The following PBRM1 variants were observed in gnomAD, a reference collection of about 807,000 sequenced individuals.
PBRM1 encodes protein polybromo-1.
Under a neutral mutation model 194.5 loss-of-function variants are expected in PBRM1, and 27 were observed. The observed-to-expected ratio is 0.14, with a 90% CI of 0.10 to 0.19. The LOEUF (loss-of-function observed/expected upper bound fraction) is 0.19. PBRM1 is among the 10% of genes least tolerant of loss of function. The probability of loss-of-function intolerance (pLI) is 1.00; values close to 1 mark genes in which losing one functional copy is unlikely to be tolerated. For synonymous variants in PBRM1, 655 were observed against 693.2 expected (o/e 0.94, Z 0.87); for missense variants, 1,466 against 2,077.2 (o/e 0.71, Z 5.72).
intron 11 of PBRM1, among the ~76,000 whole-genome samples, chr3:52,631,041 T>C (rs2095601864): frequency 6.6e-6 from 1 of 152,330 alleles, no homozygotes; most frequent in African/African-American, 2.4e-5. Context: ...ATAAAAGACA[T>C]ATTTCTAGGC....
At chr3:52,621,403 T>C (rs2095269382) in intron 13 of PBRM1, among the ~76,000 whole-genome samples, 2 of 152,178 alleles carry the variant, frequency 1.3e-5, no homozygotes, top group South Asian at 4.1e-4. Context: ...GACCTCATGA[T>C]CTGCCCGCCT....
intron 22 of PBRM1, among the ~76,000 whole-genome samples, chr3:52,564,870 T>A (rs2084650979): frequency 6.6e-6 from 1 of 152,144 alleles, no homozygotes; most frequent in South Asian, 2.1e-4. Context: ...CTTCTGCACA[T>A]GAATGCAGTT....
chr3:52,682,609 T>C (rs1311533811), upstream of PBRM1, among the ~76,000 whole-genome samples: 1 of 152,176 alleles, frequency 6.6e-6, no homozygotes, highest in African/African-American at 2.4e-5. Context: ...TTTTAAAATG[T>C]ATTTTGAAAG....
At chr3:52,658,235 G>T (rs766772588) in exon 5 of PBRM1, 1 of 1,610,806 alleles carries the variant, frequency 6.2e-7, no homozygotes, top group Admixed American at 1.7e-5. Flanking sequence ...GTTCGCTAAT[G>T]AGACGTCCTG....
chr3:52,659,830 C>T (rs1330079602), intron 4 of PBRM1, among the ~76,000 whole-genome samples: 1 of 152,158 alleles, frequency 6.6e-6, no homozygotes, highest in Non-Finnish European at 1.5e-5. Context: ...GTGGCTCATG[C>T]CTGTAATCCC....
At chr3:52,673,211 C>T (rs2096991777) in intron 2 of PBRM1, among the ~76,000 whole-genome samples, 1 of 150,868 alleles carries the variant, frequency 6.6e-6, no homozygotes, top group African/African-American at 2.4e-5. Flanking sequence ...TGGTCTCGAA[C>T]TCCTGACCTC....
intron 1 of PBRM1, 106 bp downstream of exon 1, chr3:52,685,643 G>A (rs2097301689): frequency 6.8e-6 from 1 of 146,588 alleles, no homozygotes; most frequent in Non-Finnish European, 1.5e-5. Context: ...GCGTCCCCAC[G>A]GCCGGGGCGG....
At chr3:52,620,364 G>C (rs2095217521) in intron 13 of PBRM1, among the ~76,000 whole-genome samples, 1 of 152,182 alleles carries the variant, frequency 6.6e-6, no homozygotes, top group African/African-American at 2.4e-5. Context: ...TAAGCTTACA[G>C]GATCTCTCCA....
intron 13 of PBRM1, among the ~76,000 whole-genome samples, chr3:52,624,076 T>C (rs1333026200): frequency 6.6e-6 from 1 of 152,214 alleles, no homozygotes; most frequent in Non-Finnish European, 1.5e-5. Context: ...GAAAGTATGG[T>C]AGGAAAATAA....
intron 4 of PBRM1, among the ~76,000 whole-genome samples, chr3:52,658,982 T>A (rs1319638566): frequency 6.6e-6 from 1 of 152,184 alleles, no homozygotes; most frequent in Non-Finnish European, 1.5e-5. Context: ...GCTGTTCACA[T>A]CTATTGAAGT....
chr3:52,605,462 A>C (rs1014064542), intron 16 of PBRM1, among the ~76,000 whole-genome samples: 1 of 152,174 alleles, frequency 6.6e-6, no homozygotes, highest in East Asian at 1.9e-4. Context: ...AGTGTGGCCA[A>C]GTAGGCCACC....
chr3:52,641,093 G>A (rs2096061535), intron 10 of PBRM1, among the ~76,000 whole-genome samples: 1 of 152,068 alleles, frequency 6.6e-6, no homozygotes, highest in Non-Finnish European at 1.5e-5. Context: ...AGCCTATAGT[G>A]ATTATGAAAT....
At chr3:52,608,141 G>A (rs1178361736) in intron 16 of PBRM1, among the ~76,000 whole-genome samples, 1 of 152,118 alleles carries the variant, frequency 6.6e-6, no homozygotes, top group Non-Finnish European at 1.5e-5. Context: ...CGTAAGTCCT[G>A]GCCCATCCAT....
chr3:52,622,140 G>GTTGCC (rs2095302303), intron 13 of PBRM1, among the ~76,000 whole-genome samples: 3 of 152,136 alleles, frequency 2.0e-5, no homozygotes, highest in Non-Finnish European at 4.4e-5. Flanking sequence ...AGGAGTTCGA[G>GTTGCC]ACCAGCCTGG....
At chr3:52,685,680 C>G (rs1578545420) in intron 1 of PBRM1, 69 bp downstream of exon 1, 1 of 149,124 alleles carries the variant, frequency 6.7e-6, no homozygotes, top group Non-Finnish European at 1.5e-5. Flanking sequence ...CCCGCCCGCC[C>G]GGGCCCACAC....
Position 52,563,550 on chromosome 3 carries a change from G to A in PBRM1, c.3876-57C>T, listed in dbSNP as rs149717878. 4,834 of 1,224,642 alleles carry A rather than the reference G, an allele frequency of 3.9e-3. 21 individuals are homozygous for A. Among genetic ancestry groups the A allele is most frequent in the Non-Finnish European group, 5.2e-3 (4,289 of 831,682 alleles). The allele number at this position is 1,224,642 out of a possible 1,614,324, so 75.9% of individuals were successfully genotyped here. ...ACCTAATGCCCCTCCAGAATAAGCC[G>A]GAAAGCAGTGTTCCACCTTAACAAC... is the stretch of plus-strand genomic sequence containing the variant. On this transcript the variant is annotated intron_variant, in intron 23 of 29. Transcript: ENST00000296302.
intron 22 of PBRM1, among the ~76,000 whole-genome samples, chr3:52,570,464 A>G (rs1387929582): frequency 1.3e-5 from 2 of 152,350 alleles, no homozygotes; most frequent in Non-Finnish European, 1.5e-5. Flanking sequence ...CAGAAAAGGG[A>G]TAATTACAAT....
At chr3:52,652,032 A>C (rs1201701834) in intron 5 of PBRM1, among the ~76,000 whole-genome samples, 1 of 152,222 alleles carries the variant, frequency 6.6e-6, no homozygotes. Flanking sequence ...CTTAGGAGTT[A>C]AAACTTGGTA....
chr3:52,679,975 A>G (rs1016315563), upstream of PBRM1, among the ~76,000 whole-genome samples: 1 of 152,076 alleles, frequency 6.6e-6, no homozygotes, highest in South Asian at 2.1e-4. Flanking sequence ...TTTGTATATC[A>G]GCAATCTTGA....
Sources: allele counts gnomAD v4.1 joint callset (sites outside exome capture counted in the v4.1 genomes callset), GRCh38; gene constraint gnomAD v4.1.1; transcripts MANE v1.5; gene names NCBI Gene and HGNC (gene_info 2026-07-23, HGNC 2026-07-21).